DACH1: variants seen among roughly 807,000 people sequenced by gnomAD.
DACH1 encodes dachshund homolog 1.
DACH1 carries 12 observed loss-of-function variants against 54.2 expected under a neutral mutation model. That is an observed-to-expected ratio of 0.22 (90% CI 0.14 to 0.36). The LOEUF is 0.36. DACH1 is among the 10% of genes least tolerant of loss of function. The probability of loss-of-function intolerance (pLI) is 1.00; values close to 1 mark genes in which losing one functional copy is unlikely to be tolerated. For missense variants in DACH1, 805 were observed against 929.8 expected (o/e 0.87, Z 1.75); for synonymous variants, 386 against 366.2 (o/e 1.05, Z -0.62).
At chr13:71,745,076 A>T (rs1221786164) in intron 1 of DACH1, among the ~76,000 whole-genome samples, 1 of 152,194 alleles carries the variant, frequency 6.6e-6, no homozygotes, top group Non-Finnish European at 1.5e-5. Context: ...ATCAAATGAA[A>T]CCACATTTAT....
intron 3 of DACH1, among the ~76,000 whole-genome samples, chr13:71,604,874 T>C (rs1308253456): frequency 6.6e-6 from 1 of 151,828 alleles, no homozygotes; most frequent in African/African-American, 2.4e-5. Flanking sequence ...TTAATCAAAA[T>C]AGCAAACAGG....
chr13:71,605,172 C>A (rs1874781212), intron 3 of DACH1, among the ~76,000 whole-genome samples: 1 of 151,856 alleles, frequency 6.6e-6, no homozygotes, highest in African/African-American at 2.4e-5. Context: ...ATAAAGATGA[C>A]TATGCCTGTA....
At position 71,478,366 on chromosome 13, in the gene DACH1, C is replaced by T. The variant is rs928549224; in HGVS notation, c.1870+803G>A. On this transcript the variant is annotated intron_variant, in intron 8 of 10. Coordinates refer to ENST00000613252, the MANE Select transcript of DACH1 (RefSeq NM_080759.6). ...CTGGTAAATCCTGCTAGTTTAAAGA[C>T]AAAATAGAAACAACTATTTTTAAAT... is the stretch of plus-strand genomic sequence containing the variant. 3.3e-5 allele frequency among the ~76,000 whole-genome samples: 5 copies of T among 152,134 alleles called. 1 individual carries two copies. In the East Asian group the frequency reaches 9.7e-4, roughly 29 times the overall value.
intron 4 of DACH1, 79 bp downstream of exon 4, chr13:71,572,761 T>G: frequency 6.9e-7 from 1 of 1,449,560 alleles, no homozygotes; most frequent in Non-Finnish European, 9.3e-7. Context: ...TCAGATGTAC[T>G]TATGGAATAA....
chr13:71,626,846 G>A (rs1163646887), intron 3 of DACH1, among the ~76,000 whole-genome samples: 1 of 152,030 alleles, frequency 6.6e-6, no homozygotes, highest in Non-Finnish European at 1.5e-5. Flanking sequence ...GTACATTTCA[G>A]TAAGCAGGAG....
At chr13:71,666,536 G>A (rs964120526) in intron 2 of DACH1, among the ~76,000 whole-genome samples, 7 of 152,086 alleles carry the variant, frequency 4.6e-5, no homozygotes, top group African/African-American at 7.2e-5. Context: ...CTTATGAAAT[G>A]CTAAACTTAT....
At chr13:71,553,652 G>A (rs528884201) in intron 6 of DACH1, among the ~76,000 whole-genome samples, 107 of 138,472 alleles carry the variant, frequency 7.7e-4, no homozygotes, top group Non-Finnish European at 1.4e-3. Flanking sequence ...TATATATATA[G>A]TATATATATA....
intron 1 of DACH1, among the ~76,000 whole-genome samples, chr13:71,811,409 T>A (rs961757590): frequency 2.0e-5 from 3 of 152,218 alleles, no homozygotes; most frequent in African/African-American, 4.8e-5. Context: ...CTGAAATTAG[T>A]ACAACTTCCA....
intron 1 of DACH1, among the ~76,000 whole-genome samples, chr13:71,741,890 A>G (rs116225469): frequency 7.3e-4 from 111 of 152,250 alleles, no homozygotes; most frequent in African/African-American, 2.5e-3. Context: ...ACACCTACGT[A>G]TAGTCACTTA....
rs1335899543 is a variant in DACH1 at position 71,865,969 on chromosome 13, G to A, written c.801C>T (p.Ile267=). 2 of 1,613,928 alleles carry A rather than the reference G, an allele frequency of 1.2e-6. No individual in the cohort carries two copies. Among genetic ancestry groups the A allele is most frequent in the Non-Finnish European group, 1.7e-6 (2 of 1,179,934 alleles). The change falls in exon 1 of 11, where the codon ATC becomes ATT. Residue 267 remains isoleucine, a synonymous_variant. Transcript: ENST00000613252. ...AGAGGGTCTCGAAGTCCTTCCTGGA[G>A]ATGAGTTTGCAGCGGTTCACTCCTG... ...IQPGVNRCKL[I]SRKDFETLYN...
At chr13:71,440,929 A>G (rs1873957975) in intron 10 of DACH1, among the ~76,000 whole-genome samples, 1 of 152,004 alleles carries the variant, frequency 6.6e-6, no homozygotes, top group South Asian at 2.1e-4. Context: ...TGCTATTTTG[A>G]TATCAGTTCC....
rs942515787 is a variant in DACH1, at chr13:71,712,629, G to T, written c.849-30719C>A. Among the ~76,000 whole-genome samples, 15 of 152,208 alleles carry T rather than the reference G, an allele frequency of 9.9e-5. 1 individual carries two copies. The highest frequency in any genetic ancestry group is 6.8e-3 in the Middle Eastern group (2 of 294). On this transcript the variant is annotated intron_variant, in intron 1 of 10. Coordinates refer to ENST00000613252, the MANE Select transcript of DACH1 (RefSeq NM_080759.6). The stretch of plus-strand genomic sequence containing the variant: ...AAAAGAAACTTAGAGGTTGTTCCAT[G>T]TACGACATGCTGGCCTATTACATAT...
At position 71,854,415 on chromosome 13, in the gene DACH1, G is replaced by A. The variant is rs538876587; in HGVS notation, c.848+11507C>T. On this transcript the variant is annotated intron_variant, in intron 1 of 10. Coordinates refer to ENST00000613252, the MANE Select transcript of DACH1 (RefSeq NM_080759.6). ...AAAGGCTTCCTATTTTGAGTATCAT[G>A]TACAATTCTGTGCAGTAATAAGGAT... Among the ~76,000 whole-genome samples the A allele has an allele frequency of 2.0e-5, 3 of 152,146 alleles. No homozygotes were observed. In the East Asian group the frequency reaches 5.8e-4, roughly 29 times the overall value.
At chr13:71,506,252 C>A (rs1470630692) in intron 6 of DACH1, among the ~76,000 whole-genome samples, 3 of 150,306 alleles carry the variant, frequency 2.0e-5, no homozygotes, top group Admixed American at 2.0e-4. Flanking sequence ...CGTCATCTAG[C>A]ATTAGGTATA....
chr13:71,496,721 G>T (rs569647232), intron 6 of DACH1, among the ~76,000 whole-genome samples: 3 of 151,924 alleles, frequency 2.0e-5, no homozygotes, highest in Non-Finnish European at 4.4e-5. Context: ...GATAAAAAAA[G>T]GAGAAAAAAT....
At chr13:71,541,925 G>GTTTT (rs397720054) in intron 6 of DACH1, among the ~76,000 whole-genome samples, 38 of 105,820 alleles carry the variant, frequency 3.6e-4, no homozygotes, top group Non-Finnish European at 5.0e-4. Context: ...TATTTGCCCA[G>GTTTT]TTTTTTTTTT....
intron 2 of DACH1, among the ~76,000 whole-genome samples, chr13:71,636,542 A>G (rs1198161811): frequency 6.9e-6 from 1 of 145,298 alleles, no homozygotes; most frequent in African/African-American, 2.7e-5. Flanking sequence ...AAAACAACAC[A>G]AAGTAAAAAT....
intron 1 of DACH1, among the ~76,000 whole-genome samples, chr13:71,743,028 C>T (rs758855590): frequency 6.6e-6 from 1 of 152,074 alleles, no homozygotes; most frequent in African/African-American, 2.4e-5. Flanking sequence ...ATAACCATTA[C>T]TGAAGTCCTG....
At chr13:71,550,833 TGAG>T in intron 6 of DACH1, among the ~76,000 whole-genome samples, 1 of 152,044 alleles carries the variant, frequency 6.6e-6, no homozygotes. Flanking sequence ...GCATGGAAAC[TGAG>T]GAGGAAAATT....
Sources: gnomAD v4.1 joint callset for allele counts (sites outside exome capture counted in the v4.1 genomes callset) on GRCh38, gnomAD v4.1.1 for gene constraint, MANE v1.5 for transcripts, NCBI Gene and HGNC (gene_info 2026-07-23, HGNC 2026-07-21) for gene names.